TANC2: variants seen among roughly 807,000 people sequenced by gnomAD.
The protein encoded by TANC2 is protein TANC2.
Under a neutral mutation model 210.5 loss-of-function variants are expected in TANC2, and 26 were observed. The observed-to-expected ratio is 0.12, with a 90% CI of 0.09 to 0.17. TANC2 has a LOEUF of 0.17. Ranked by LOEUF, TANC2 falls within the 10% of genes least tolerant of loss-of-function variation. The pLI, the probability that TANC2 is intolerant of heterozygous loss-of-function variation, is 1.00. For synonymous variants in TANC2, 931 were observed against 967.1 expected (o/e 0.96, Z 0.69); for missense variants, 2,129 against 2,608.9 (o/e 0.82, Z 4.01).
intron 9 of TANC2, among the ~76,000 whole-genome samples, chr17:63,283,595 T>C (rs1215354978): frequency 2.0e-5 from 3 of 151,938 alleles, no homozygotes; most frequent in Non-Finnish European, 4.4e-5. Flanking sequence ...AAAATTGACT[T>C]ATCAGTATTG....
chr17:63,074,098 A>G, intron 3 of TANC2, 84 bp downstream of exon 3: 2 of 1,035,658 alleles, frequency 1.9e-6, no homozygotes, highest in Non-Finnish European at 1.4e-6. Context: ...AGACTAGGAT[A>G]TTGCCATGGT....
At chr17:63,023,973 A>G (rs2034451843) in intron 2 of TANC2, among the ~76,000 whole-genome samples, 1 of 152,210 alleles carries the variant, frequency 6.6e-6, no homozygotes, top group Non-Finnish European at 1.5e-5. Context: ...TCATGTGTTC[A>G]TATCTATTTC....
intron 3 of TANC2, among the ~76,000 whole-genome samples, chr17:63,090,843 A>G (rs527970970): frequency 2.0e-5 from 3 of 152,112 alleles, no homozygotes; most frequent in Non-Finnish European, 2.9e-5. Context: ...AAGTGTTCCT[A>G]TTTCTCCACA....
chr17:63,148,471 C>CT (rs901519916), intron 4 of TANC2: 2 of 152,074 alleles, frequency 1.3e-5, no homozygotes, highest in Admixed American at 1.3e-4. Context: ...AGAATCAAGA[C>CT]CTAGATTTTT....
At chr17:63,339,643 C>T (rs2046159907) in intron 11 of TANC2, among the ~76,000 whole-genome samples, 1 of 152,010 alleles carries the variant, frequency 6.6e-6, no homozygotes, top group Non-Finnish European at 1.5e-5. Context: ...ACCTGTAATC[C>T]AAAAATTGAT....
intron 5 of TANC2, among the ~76,000 whole-genome samples, chr17:63,171,283 A>G (rs2040397595): frequency 6.6e-6 from 1 of 151,764 alleles, no homozygotes; most frequent in Admixed American, 6.6e-5. Flanking sequence ...GGGTTTCACC[A>G]TGTTGGCCAG....
intron 1 of TANC2, among the ~76,000 whole-genome samples, chr17:63,007,060 T>TAA (rs146817612): frequency 2.7e-5 from 4 of 149,214 alleles, no homozygotes; most frequent in African/African-American, 4.9e-5. Flanking sequence ...ACCCCATCTT[T>TAA]AAAAAAAAAA....
intron 14 of TANC2, 101 bp from the exon 15 acceptor site, chr17:63,379,617 C>T (rs1195159834): frequency 1.6e-5 from 14 of 849,850 alleles, no homozygotes; most frequent in South Asian, 6.4e-5. Context: ...TGCAGTGAGC[C>T]GAGATTGCGC....
At chr17:63,241,726 T>C (rs1300108783) in intron 8 of TANC2, among the ~76,000 whole-genome samples, 1 of 152,200 alleles carries the variant, frequency 6.6e-6, no homozygotes, top group East Asian at 1.9e-4. Context: ...TCATATACAG[T>C]GTTAGCTGTG....
At chr17:63,340,042 T>C in intron 11 of TANC2, 59 bp from the exon 12 acceptor site, 1 of 1,233,378 alleles carries the variant, frequency 8.1e-7, no homozygotes. Flanking sequence ...TAGCTGATAA[T>C]CATAGCTATT....
chr17:63,174,682 T>C (rs1273605598), intron 5 of TANC2, among the ~76,000 whole-genome samples: 1 of 152,164 alleles, frequency 6.6e-6, no homozygotes, highest in Non-Finnish European at 1.5e-5. Flanking sequence ...ATAAATATGT[T>C]TGTATGTTAG....
intron 2 of TANC2, among the ~76,000 whole-genome samples, chr17:63,016,624 T>G (rs1218367029): frequency 6.6e-6 from 1 of 152,190 alleles, no homozygotes; most frequent in Non-Finnish European, 1.5e-5. Context: ...TGTTTAACTT[T>G]TTGATGAATT....
At chr17:63,218,272 A>AG (rs2042076003) in intron 7 of TANC2, among the ~76,000 whole-genome samples, 2 of 151,994 alleles carry the variant, frequency 1.3e-5, no homozygotes, top group South Asian at 4.2e-4. Context: ...CATAGAGAGG[A>AG]GGGAAAAAAA....
intron 10 of TANC2, among the ~76,000 whole-genome samples, chr17:63,317,305 C>G (rs2045346955): frequency 6.7e-6 from 1 of 148,628 alleles, no homozygotes; most frequent in South Asian, 2.2e-4. Flanking sequence ...ACTCAGCCCC[C>G]CAGCCCGCCC....
At chr17:63,174,102 C>T (rs773727090) in intron 5 of TANC2, among the ~76,000 whole-genome samples, 7 of 152,308 alleles carry the variant, frequency 4.6e-5, no homozygotes, top group Middle Eastern at 3.4e-3. Context: ...CTGCCAGTGA[C>T]GAAGGCAGAT....
chr17:63,073,410 A>G (rs2036466758), intron 2 of TANC2, among the ~76,000 whole-genome samples: 1 of 152,128 alleles, frequency 6.6e-6, no homozygotes, highest in African/African-American at 2.4e-5. Context: ...TTGTTTCTAT[A>G]TAATTTTAAA....
At chr17:63,410,001 G>C (rs1599063996) in intron 21 of TANC2, among the ~76,000 whole-genome samples, 1 of 152,142 alleles carries the variant, frequency 6.6e-6, no homozygotes, top group East Asian at 1.9e-4. Flanking sequence ...TCCTTTGAGT[G>C]TCATGTTGGT....
intron 4 of TANC2, among the ~76,000 whole-genome samples, chr17:63,145,033 T>G (rs764113493): frequency 9.2e-5 from 14 of 152,124 alleles, no homozygotes; most frequent in Admixed American, 2.0e-4. Flanking sequence ...CTGTTTTTTT[T>G]TGTGTGTGCT....
At chr17:63,015,945 CA>C (rs2034089384) in intron 2 of TANC2, among the ~76,000 whole-genome samples, 1 of 150,510 alleles carries the variant, frequency 6.6e-6, no homozygotes, top group East Asian at 1.9e-4. Context: ...ATCATTGTGT[CA>C]TTGTTTTGGT....
Sources: gnomAD v4.1 joint callset for allele counts (sites outside exome capture counted in the v4.1 genomes callset) on GRCh38, gnomAD v4.1.1 for gene constraint, MANE v1.5 for transcripts, NCBI Gene and HGNC (gene_info 2026-07-23, HGNC 2026-07-21) for gene names.